Variants in CALCOCO2 observed in about 807,000 individuals in gnomAD.
CALCOCO2 encodes the protein calcium binding and coiled-coil domain 2, also known as calcium-binding and coiled-coil domain-containing protein 2.
A neutral mutation model predicts 62.5 loss-of-function variants in CALCOCO2; 42 were observed. The observed-to-expected ratio is 0.67, with a 90% CI of 0.53 to 0.87. CALCOCO2 has a LOEUF of 0.87. Ranked by LOEUF, CALCOCO2 falls within the 40% of genes least tolerant of loss-of-function variation. The pLI is 0.00. For missense variants in CALCOCO2, 456 were observed against 515.0 expected (o/e 0.89, Z 1.11); for synonymous variants, 167 against 173.0 (o/e 0.97, Z 0.27).
At chr17:48,845,911 T>G in intron 2 of CALCOCO2, 1 of 437,584 alleles carries the variant, frequency 2.3e-6, no homozygotes, top group Non-Finnish European at 4.0e-6. Context: ...AACCTCTGGT[T>G]TTTCCTCCTC....
Position 48,860,467 on chromosome 17 carries a change from T to C in CALCOCO2, c.1144+18T>C. 6.2e-7 allele frequency: 1 copy of C among 1,612,204 alleles called. No homozygotes were observed. Among genetic ancestry groups the C allele is most frequent in the South Asian group, 1.1e-5 (1 of 90,958 alleles). ...ATATTCTGGTAAGACAACTTTCCCA[T>C]TCCAACTGGAAGGACCCTGCCTGCA... On this transcript the variant is annotated intron_variant, in intron 11 of 12. Transcript: ENST00000258947.
rs555486826 is a variant in CALCOCO2, at chr17:48,838,415, G to C, written c.-10-3283G>C. ...TTTTTTTCTTTGGAGACAGAAATTG[G>C]GCATAAGACAACATGAGGGGTGGTC... On this transcript the variant is annotated intron_variant, in intron 1 of 12. Coordinates refer to ENST00000258947, the MANE Select transcript of CALCOCO2 (RefSeq NM_005831.5). Among the ~76,000 whole-genome samples the C allele has an allele frequency of 1.8e-3, 269 of 151,938 alleles. 2 individuals carry two copies. Among genetic ancestry groups the C allele is most frequent in the Non-Finnish European group, 3.0e-3 (206 of 67,966 alleles).
chr17:48,833,311 C>A (rs563506674), intron 1 of CALCOCO2, among the ~76,000 whole-genome samples: 1 of 152,274 alleles, frequency 6.6e-6, no homozygotes, highest in East Asian at 1.9e-4. Context: ...AATCCCAGCA[C>A]TTTGGGAGGC....
intron 12 of CALCOCO2, 48 bp downstream of exon 12, chr17:48,862,352 T>G (rs1001959938): frequency 7.6e-7 from 1 of 1,310,052 alleles, no homozygotes; most frequent in Non-Finnish European, 1.1e-6. Context: ...CTTGAAAATT[T>G]CCCTTCCTGC....
At chr17:48,848,538 T>G in intron 4 of CALCOCO2, 83 bp downstream of exon 4, 1 of 1,240,202 alleles carries the variant, frequency 8.1e-7, no homozygotes, top group African/African-American at 1.5e-5. Context: ...TTAATAAGGC[T>G]TTATTGAATA....
chr17:48,844,925 C>T (rs749015049), intron 2 of CALCOCO2, among the ~76,000 whole-genome samples: 5 of 152,042 alleles, frequency 3.3e-5, no homozygotes, highest in East Asian at 1.9e-4. Context: ...CACTTAAGGT[C>T]AGGAGTTCAA....
intron 2 of CALCOCO2, chr17:48,844,020 A>T (rs1473989062): frequency 6.6e-6 from 1 of 152,322 alleles, no homozygotes; most frequent in Admixed American, 6.5e-5. Flanking sequence ...AGTAGCTGGG[A>T]TTACAGGCAT....
At chr17:48,840,891 A>G (rs751868734) in intron 1 of CALCOCO2, among the ~76,000 whole-genome samples, 7 of 152,144 alleles carry the variant, frequency 4.6e-5, no homozygotes, top group Non-Finnish European at 8.8e-5. Flanking sequence ...CGTCTCTTAA[A>G]CCCTTTATGC....
chr17:48,839,670 C>CCTTT (rs2039949262), intron 1 of CALCOCO2, among the ~76,000 whole-genome samples: 1 of 66,172 alleles, frequency 1.5e-5, no homozygotes, highest in Non-Finnish European at 2.7e-5. Context: ...CTTTGCTTTG[C>CCTTT]TTTTTTTTTT....
intron 1 of CALCOCO2, among the ~76,000 whole-genome samples, chr17:48,833,869 A>G (rs143304758): frequency 0.011 from 1,725 of 151,792 alleles, 47 homozygotes; most frequent in African/African-American, 0.04. Flanking sequence ...TAGCTCATGC[A>G]TGTAATCCCA....
At chr17:48,854,026 A>G (rs1156399372) in intron 9 of CALCOCO2, among the ~76,000 whole-genome samples, 1 of 152,092 alleles carries the variant, frequency 6.6e-6, no homozygotes, top group Non-Finnish European at 1.5e-5. Context: ...TAAATGATCT[A>G]TAGTCCCGGC....
Position 48,851,087 on chromosome 17 carries a change from A to T in CALCOCO2, c.544-2A>T. 1.3e-6 allele frequency: 2 copies of T among 1,555,296 alleles called. No homozygotes were observed. The highest frequency in any genetic ancestry group is 1.8e-6 in the Non-Finnish European group (2 of 1,126,344). On this transcript the variant is annotated splice_acceptor_variant, in intron 5 of 12. Coordinates refer to ENST00000258947, the MANE Select transcript of CALCOCO2 (RefSeq NM_005831.5). LOFTEE classifies it high-confidence loss of function. ...TCCCTTTGATGTTGTTTCAATCTAT[A>T]GGAGGAGCTAGAAACCCTACAGAGC... is the stretch of plus-strand genomic sequence containing the variant.
intron 11 of CALCOCO2, among the ~76,000 whole-genome samples, chr17:48,860,814 C>G (rs998846022): frequency 6.6e-6 from 1 of 152,170 alleles, no homozygotes. Context: ...CGCCCAGGAA[C>G]TAGCAGTTAC....
At chr17:48,835,749 TC>T (rs1555571743) in intron 1 of CALCOCO2, among the ~76,000 whole-genome samples, 1 of 119,348 alleles carries the variant, frequency 8.4e-6, no homozygotes, top group Non-Finnish European at 1.6e-5. Flanking sequence ...TCTTTTCTTT[TC>T]TTTTCTTTTT....
chr17:48,851,104 C>G lies in CALCOCO2; in HGVS notation c.559C>G (p.Leu187Val). ...LQKKQEELET[L>V]QSINKKLELK... ...CAATCTATAGGAGGAGCTAGAAACC[C>G]TACAGAGCATCAATAAGAAGTTGGA... is the stretch of plus-strand genomic sequence containing the variant. The change falls in exon 6 of 13, where the codon CTA (leucine) becomes GTA (valine). Residue 187 changes from leucine to valine, a missense_variant. Around this residue, in one of 3 missense-constraint regions of CALCOCO2, gnomAD observed 236 missense variants for 225.3 expected, o/e 1.05. Transcript: ENST00000258947. 1 of 1,603,592 alleles carries G rather than the reference C, an allele frequency of 6.2e-7. No individual in the cohort carries two copies. The highest frequency in any genetic ancestry group is 8.5e-7 in the Non-Finnish European group (1 of 1,170,576).
chr17:48,842,149 C>A (rs891288043), intron 2 of CALCOCO2: 7 of 153,238 alleles, frequency 4.6e-5, no homozygotes, highest in East Asian at 1.1e-4. Context: ...TTGCTTTTTT[C>A]TTTTCTTTTT....
intron 1 of CALCOCO2, chr17:48,831,919 T>A (rs1470440102): frequency 6.6e-6 from 1 of 152,180 alleles, no homozygotes. Context: ...TTAAGGAATA[T>A]CCAGATGGCT....
chr17:48,856,757 C>G (rs954476474), intron 10 of CALCOCO2: 16 of 353,306 alleles, frequency 4.5e-5, no homozygotes, highest in Non-Finnish European at 7.7e-5. Context: ...AAGTCAAGGT[C>G]ATTCTCATGT....
At chr17:48,838,311 G>A (rs1014536076) in intron 1 of CALCOCO2, among the ~76,000 whole-genome samples, 1 of 152,056 alleles carries the variant, frequency 6.6e-6, no homozygotes, top group African/African-American at 2.4e-5. Flanking sequence ...GTCAGGGGTC[G>A]ATCTTTAACT....
Sources: gnomAD v4.1 joint callset for allele counts (sites outside exome capture counted in the v4.1 genomes callset) on GRCh38, gnomAD v4.1.1 for gene constraint, gnomAD v4.1.1 regional missense constraint, MANE v1.5 for transcripts, NCBI Gene and HGNC (gene_info 2026-07-23, HGNC 2026-07-21) for gene names.